CWF19L2: variants seen among roughly 807,000 people sequenced by gnomAD.
The protein encoded by CWF19L2 is CWF19-like protein 2.
Under a neutral mutation model 111.7 loss-of-function variants are expected in CWF19L2, and 98 were observed. The ratio of observed to expected loss-of-function variants is 0.88; its 90% CI spans 0.75 to 1.04. The LOEUF (loss-of-function observed/expected upper bound fraction) is 1.04, where lower values mean the gene tolerates loss of function less well. Ranked by LOEUF, CWF19L2 falls within the 50% of genes least tolerant of loss-of-function variation. The probability of loss-of-function intolerance (pLI) is 0.00; values close to 1 mark genes in which losing one functional copy is unlikely to be tolerated. For synonymous variants in CWF19L2, 351 were observed against 342.9 expected, an observed-to-expected ratio of 1.02 and a Z score of -0.26; for missense variants, 1,101 against 1,051.4, an observed-to-expected ratio of 1.05 and a Z score of -0.65.
At chr11:107,425,094 A>ATTACTGCTAT (rs1192071929) in intron 8 of CWF19L2, among the ~76,000 whole-genome samples, 1 of 151,630 alleles carries the variant, frequency 6.6e-6, no homozygotes, top group Non-Finnish European at 1.5e-5. Context: ...AATTTCAAGA[A>ATTACTGCTAT]TTACTGCTAT....
intron 8 of CWF19L2, among the ~76,000 whole-genome samples, chr11:107,427,904 T>C (rs913609575): frequency 9.0e-4 from 137 of 152,238 alleles, no homozygotes; most frequent in African/African-American, 3.1e-3. Context: ...CTGAGTTTTA[T>C]AATCCACTGC....
intron 12 of CWF19L2, among the ~76,000 whole-genome samples, chr11:107,360,287 A>C (rs574561528): frequency 6.6e-6 from 1 of 152,306 alleles, no homozygotes; most frequent in East Asian, 1.9e-4. Context: ...CAAAAAACAA[A>C]AACAAAAACA....
chr11:107,403,811 C>T lies in CWF19L2; in HGVS notation c.1618-10916G>A. 3 of 852,466 alleles carry T rather than the reference C, an allele frequency of 3.5e-6. No homozygotes were observed. The South Asian group carries it at 4.0e-5, about 11-fold the overall frequency. 52.8% of individuals were successfully genotyped at this position (852,466 alleles called of 1,614,324 possible). A position where few individuals can be genotyped will look rare whatever the true frequency, so the allele number is the denominator to read the frequency against. On this transcript the variant is annotated intron_variant, in intron 10 of 17. Coordinates refer to ENST00000282251, the MANE Select transcript of CWF19L2 (RefSeq NM_152434.3). ...CTCCATATCCACTTCTACTGTCAGA[C>T]CGCACAACCTTTTAAGTTCATTGTT... is the stretch of plus-strand genomic sequence containing the variant.
intron 12 of CWF19L2, among the ~76,000 whole-genome samples, chr11:107,357,435 G>C (rs1045297430): frequency 1.4e-4 from 22 of 152,166 alleles, no homozygotes; most frequent in Non-Finnish European, 3.1e-4. Context: ...GCCTTCATAT[G>C]ATATAGCCCA....
At chr11:107,341,948 AT>A (rs550921448) in intron 14 of CWF19L2, among the ~76,000 whole-genome samples, 1 of 150,956 alleles carries the variant, frequency 6.6e-6, no homozygotes, top group Admixed American at 6.6e-5. Context: ...GTTTTTTCTC[AT>A]TTTTTTTCCT....
At chr11:107,432,487 G>A (rs138042573) in intron 7 of CWF19L2, among the ~76,000 whole-genome samples, 4,216 of 152,266 alleles carry the variant, frequency 0.028, 85 homozygotes, top group Non-Finnish European at 0.043. Context: ...GGAGGCTGAG[G>A]CAAGAGAATC....
chr11:107,454,315 T>C, intron 3 of CWF19L2, 135 bp downstream of exon 3: 1 of 622,868 alleles, frequency 1.6e-6, no homozygotes, highest in Non-Finnish European at 2.4e-6. Context: ...TCTAAGTAGA[T>C]GTATCCCAGA....
chr11:107,434,672 CAA>C (rs71044301), intron 6 of CWF19L2, among the ~76,000 whole-genome samples: 6 of 115,794 alleles, frequency 5.2e-5, no homozygotes, highest in Admixed American at 8.9e-5. Flanking sequence ...TATTACACAG[CAA>C]AAAAAAAAAA....
At chr11:107,362,235 G>T (rs541702147) in intron 12 of CWF19L2, among the ~76,000 whole-genome samples, 1 of 151,872 alleles carries the variant, frequency 6.6e-6, no homozygotes, top group African/African-American at 2.4e-5. Flanking sequence ...AGGCGGCAGC[G>T]AGGCAGGGGG....
intron 12 of CWF19L2, among the ~76,000 whole-genome samples, chr11:107,380,136 T>C (rs555213623): frequency 1.1e-4 from 16 of 151,046 alleles, no homozygotes; most frequent in South Asian, 4.2e-4. Context: ...AGTGTCATTA[T>C]ATAGAAAAAA....
chr11:107,417,158 A>C (rs1164045896), intron 9 of CWF19L2, among the ~76,000 whole-genome samples: 1 of 152,216 alleles, frequency 6.6e-6, no homozygotes, highest in Non-Finnish European at 1.5e-5. Flanking sequence ...AGACTACTTA[A>C]AGATCCCTTA....
At chr11:107,327,442 A>G (rs185329604) in intron 17 of CWF19L2, among the ~76,000 whole-genome samples, 33 of 152,342 alleles carry the variant, frequency 2.2e-4, no homozygotes, top group Admixed American at 1.3e-3. Flanking sequence ...GCTCAACTGC[A>G]GTTGAATCCC....
intron 3 of CWF19L2, among the ~76,000 whole-genome samples, chr11:107,451,073 C>T (rs913121606): frequency 1.1e-4 from 17 of 151,920 alleles, no homozygotes; most frequent in Non-Finnish European, 2.2e-4. Flanking sequence ...ATGGAATTTT[C>T]ACCAAAATAG....
chr11:107,442,917 G>T, intron 4 of CWF19L2, 22 bp downstream of exon 4: 2 of 1,339,162 alleles, frequency 1.5e-6, no homozygotes, highest in Non-Finnish European at 1.0e-6. Flanking sequence ...AGCAAGGAAG[G>T]AAAATCAAGT....
chr11:107,362,911 G>A (rs1222837388), intron 12 of CWF19L2, among the ~76,000 whole-genome samples: 2 of 151,968 alleles, frequency 1.3e-5, no homozygotes, highest in Non-Finnish European at 1.5e-5. Flanking sequence ...AGGCAAAGAA[G>A]TTGAAAACTT....
chr11:107,439,364 TC>T, intron 5 of CWF19L2, among the ~76,000 whole-genome samples, 181 bp from the exon 6 acceptor site: 1 of 152,356 alleles, frequency 6.6e-6, no homozygotes, highest in East Asian at 1.9e-4. Flanking sequence ...CATTCAATGT[TC>T]TTATTTAATG....
At chr11:107,342,800 G>T (rs1860024186) in intron 14 of CWF19L2, among the ~76,000 whole-genome samples, 1 of 152,106 alleles carries the variant, frequency 6.6e-6, no homozygotes. Context: ...TGGATTGCCT[G>T]GGTATATCTT....
intron 6 of CWF19L2, among the ~76,000 whole-genome samples, chr11:107,435,991 T>C (rs568556128): frequency 9.2e-5 from 14 of 151,822 alleles, no homozygotes; most frequent in Admixed American, 4.6e-4. Flanking sequence ...CTGTCTCTAC[T>C]AAAAATACAA....
intron 12 of CWF19L2, among the ~76,000 whole-genome samples, chr11:107,362,942 G>A (rs1483310532): frequency 1.3e-5 from 2 of 151,896 alleles, no homozygotes. Context: ...TTAGCAGAAT[G>A]TATAACTAGA....
Sources: gnomAD v4.1 joint callset for allele counts (sites outside exome capture counted in the v4.1 genomes callset) on GRCh38, gnomAD v4.1.1 for gene constraint, MANE v1.5 for transcripts, NCBI Gene and HGNC (gene_info 2026-07-23, HGNC 2026-07-21) for gene names.